Variants in RANBP17 observed in about 807,000 individuals in gnomAD.
The protein encoded by RANBP17 is RAN binding protein 17, also known as ran-binding protein 17.
Under a neutral mutation model 141.2 loss-of-function variants are expected in RANBP17, and 158 were observed. That is an observed-to-expected ratio of 1.12 (90% CI 0.98 to 1.28). RANBP17 has a LOEUF of 1.28. Among genes scored for constraint, RANBP17 ranks in the 50% most tolerant of loss-of-function variants. The probability of loss-of-function intolerance (pLI) is 0.00; values close to 1 mark genes in which losing one functional copy is unlikely to be tolerated. For synonymous variants in RANBP17, 430 were observed against 450.0 expected (o/e 0.96, Z 0.56); for missense variants, 1,438 against 1,290.7 (o/e 1.11, Z -1.75).
chr5:170,899,724 C>A (rs2161216), intron 5 of RANBP17, among the ~76,000 whole-genome samples: 96,010 of 151,992 alleles, frequency 0.63, 31,262 homozygotes, highest in South Asian at 0.9. Flanking sequence ...AGTGTTTAGC[C>A]TGAAGGGTTG....
At chr5:171,103,300 A>G (rs913549878) in intron 14 of RANBP17, among the ~76,000 whole-genome samples, 28 of 152,314 alleles carry the variant, frequency 1.8e-4, no homozygotes, top group Admixed American at 1.4e-3. Context: ...TGCCCTGCCC[A>G]GAGAGGAGGA....
chr5:171,198,233 C>T (rs973471282), intron 18 of RANBP17, among the ~76,000 whole-genome samples: 6 of 152,232 alleles, frequency 3.9e-5, no homozygotes, highest in African/African-American at 1.4e-4. Flanking sequence ...CTTGGTCACA[C>T]AGCCAGTTGA....
At chr5:170,871,330 A>G (rs1472479505) in intron 1 of RANBP17, among the ~76,000 whole-genome samples, 1 of 151,998 alleles carries the variant, frequency 6.6e-6, no homozygotes, top group Admixed American at 6.5e-5. Context: ...TACAGGTGTG[A>G]GCCACCACAC....
chr5:170,907,789 GA>G (rs534939235), intron 5 of RANBP17, among the ~76,000 whole-genome samples: 1 of 151,776 alleles, frequency 6.6e-6, no homozygotes, highest in South Asian at 2.1e-4. Flanking sequence ...TTGTATTAAG[GA>G]AAAAATATTT....
chr5:170,984,998 CAG>C (rs1227801538), intron 14 of RANBP17, among the ~76,000 whole-genome samples: 2 of 151,376 alleles, frequency 1.3e-5, no homozygotes, highest in African/African-American at 4.8e-5. Flanking sequence ...CACATATACA[CAG>C]ACACACAGAC....
rs188662417 is a variant in RANBP17 at position 171,012,156 on chromosome 5, A to T, written c.1710+43779A>T. ...TGTTTAAACAAATATATTTGCCAAG[A>T]ATACTGTGTGGCTGAGGAAAGATAA... On this transcript the variant is annotated intron_variant, in intron 14 of 27. Transcript: ENST00000523189. Among the ~76,000 whole-genome samples the T allele has an allele frequency of 1.3e-3, 199 of 151,784 alleles. 1 individual carries two copies. The highest frequency in any genetic ancestry group is 4.7e-3 in the African/African-American group (194 of 41,442).
At chr5:171,117,268 T>A (rs937838805) in intron 14 of RANBP17, among the ~76,000 whole-genome samples, 1 of 152,178 alleles carries the variant, frequency 6.6e-6, no homozygotes, top group Non-Finnish European at 1.5e-5. Context: ...CCATAGTGGC[T>A]ATACTGTCAC....
Position 170,934,537 on chromosome 5 carries a change from A to G in RANBP17, c.1468+9987A>G, listed in dbSNP as rs558858257. 2.6e-5 allele frequency among the ~76,000 whole-genome samples: 4 copies of G among 152,288 alleles called. No homozygotes were observed. In the South Asian group the frequency reaches 8.3e-4, roughly 32 times the overall value. ...TCTCTCAGCTTTTGTTTGTCTGTAAAGGATTTTATTTCTCCATCACTTATG... is the reference window on the plus strand; with the variant it reads ...TCTCTCAGCTTTTGTTTGTCTGTAAGGGATTTTATTTCTCCATCACTTATG... On this transcript the variant is annotated intron_variant, in intron 12 of 27. Transcript: ENST00000523189.
At chr5:171,017,308 A>G (rs1780508515) in intron 14 of RANBP17, among the ~76,000 whole-genome samples, 1 of 152,178 alleles carries the variant, frequency 6.6e-6, no homozygotes, top group South Asian at 2.1e-4. Context: ...TTCTGGTTCT[A>G]GATCCTTGAG....
intron 25 of RANBP17, among the ~76,000 whole-genome samples, chr5:171,270,304 G>T (rs933418097): frequency 6.6e-6 from 1 of 152,282 alleles, no homozygotes; most frequent in East Asian, 1.9e-4. Context: ...TAGTCCATAT[G>T]AAGATCCATT....
chr5:171,072,476 G>A (rs1784685664), intron 14 of RANBP17, among the ~76,000 whole-genome samples: 1 of 151,618 alleles, frequency 6.6e-6, no homozygotes, highest in Non-Finnish European at 1.5e-5. Flanking sequence ...CAAAAGATCT[G>A]AATAGGTACT....
intron 14 of RANBP17, among the ~76,000 whole-genome samples, chr5:170,973,728 T>G (rs536408557): frequency 6.6e-6 from 1 of 152,314 alleles, no homozygotes; most frequent in East Asian, 1.9e-4. Context: ...AACAAACATT[T>G]GTTTCTCACA....
At chr5:171,219,001 T>A (rs1763393217) in intron 21 of RANBP17, among the ~76,000 whole-genome samples, 1 of 152,236 alleles carries the variant, frequency 6.6e-6, no homozygotes, top group Non-Finnish European at 1.5e-5. Context: ...TCATTGGTCT[T>A]TGTATTTTGG....
At chr5:171,141,833 T>TATGGTTTAAA (rs1419415640) in intron 14 of RANBP17, among the ~76,000 whole-genome samples, 2 of 152,264 alleles carry the variant, frequency 1.3e-5, no homozygotes, top group Non-Finnish European at 2.9e-5. Context: ...TTTTAAACAT[T>TATGGTTTAAA]ATGGTTGATG....
chr5:171,299,927 A>G lies in RANBP17; in HGVS notation c.*1069A>G, dbSNP rs1306583881. The G allele has an allele frequency of 1.5e-5, 3 of 202,420 alleles. No individual in the cohort carries two copies. Among genetic ancestry groups the G allele is most frequent in the Non-Finnish European group, 3.0e-5 (3 of 98,564 alleles). 12.5% of individuals were successfully genotyped at this position (202,420 alleles called of 1,614,324 possible). ...TTTTTATGATTCAGGCTTATAACAA[A>G]TATTGTATCCTTTATTTCTGATAAG... On this transcript the variant is annotated 3_prime_UTR_variant, in exon 28 of 28. Transcript: ENST00000523189.
intron 11 of RANBP17, among the ~76,000 whole-genome samples, chr5:170,920,837 C>G (rs1772389893): frequency 1.3e-5 from 2 of 152,096 alleles, no homozygotes; most frequent in South Asian, 4.1e-4. Context: ...TTGCATTTCT[C>G]TGACCAGTGA....
At chr5:170,864,339 A>C (rs1478487428) in intron 1 of RANBP17, among the ~76,000 whole-genome samples, 1 of 152,172 alleles carries the variant, frequency 6.6e-6, no homozygotes, top group Non-Finnish European at 1.5e-5. Flanking sequence ...TTTTCACATC[A>C]TGACATACAT....
intron 14 of RANBP17, among the ~76,000 whole-genome samples, chr5:171,161,089 G>A (rs890211671): frequency 6.6e-6 from 1 of 152,162 alleles, no homozygotes; most frequent in Non-Finnish European, 1.5e-5. Context: ...ACCGCGCCCG[G>A]CTGAGATTCT....
chr5:171,244,468 A>G lies in RANBP17; in HGVS notation c.2776+1648A>G, dbSNP rs557808003. ...TTTTTATTTATTTATTTATTTTTAG[A>G]CAGAGTCTGACTCTGTTGCCCAGGC... On this transcript the variant is annotated intron_variant, in intron 24 of 27. Coordinates refer to ENST00000523189, the MANE Select transcript of RANBP17 (RefSeq NM_022897.5). Among the ~76,000 whole-genome samples the G allele has an allele frequency of 2.1e-4, 32 of 152,162 alleles. 1 individual carries two copies. The East Asian group carries it at 5.8e-3, about 28-fold the overall frequency.
Sources: gnomAD v4.1 joint callset for allele counts (sites outside exome capture counted in the v4.1 genomes callset) on GRCh38, gnomAD v4.1.1 for gene constraint, MANE v1.5 for transcripts, NCBI Gene and HGNC (gene_info 2026-07-23, HGNC 2026-07-21) for gene names.